The following MPP7 variants were observed in gnomAD, a reference collection of about 807,000 sequenced individuals.
MPP7 encodes MAGUK p55 subfamily member 7.
In MPP7, 60 loss-of-function variants were observed where a neutral mutation model predicts 76.5. That is an observed-to-expected ratio of 0.78 (90% CI 0.64 to 0.97). The LOEUF is 0.97. Ranked by LOEUF, MPP7 falls within the 50% of genes least tolerant of loss-of-function variation. The pLI is 0.00. For synonymous variants in MPP7, 237 were observed against 244.5 expected (o/e 0.97, Z 0.29); for missense variants, 641 against 694.0 (o/e 0.92, Z 0.86).
intron 3 of MPP7, among the ~76,000 whole-genome samples, chr10:28,167,587 A>C (rs1206258554): frequency 2.6e-5 from 4 of 152,140 alleles, no homozygotes; most frequent in Non-Finnish European, 4.4e-5. Context: ...ATATCCATGT[A>C]ACAAACCTAC....
intron 3 of MPP7, among the ~76,000 whole-genome samples, chr10:28,190,167 AG>A (rs1837367221): frequency 6.6e-6 from 1 of 152,212 alleles, no homozygotes; most frequent in Non-Finnish European, 1.5e-5. Context: ...AAGCATCAAA[AG>A]ACATAAAGCA....
intron 7 of MPP7, among the ~76,000 whole-genome samples, chr10:28,124,633 A>C (rs979077923): frequency 2.4e-4 from 35 of 146,010 alleles, no homozygotes; most frequent in African/African-American, 7.0e-4. Context: ...CCGCCACCAC[A>C]CTTGACTAAT....
At chr10:28,315,410 G>A (rs1034791206) in intron 2 of MPP7, among the ~76,000 whole-genome samples, 5 of 152,076 alleles carry the variant, frequency 3.3e-5, no homozygotes, top group African/African-American at 9.7e-5. Context: ...CCACACCTCC[G>A]TGTGGCAGTG....
At chr10:28,063,071 G>A (rs577782553) in intron 13 of MPP7, among the ~76,000 whole-genome samples, 2 of 151,882 alleles carry the variant, frequency 1.3e-5, no homozygotes, top group East Asian at 3.9e-4. Flanking sequence ...CCACAGACTG[G>A]AAGAAAATAT....
intron 8 of MPP7, among the ~76,000 whole-genome samples, chr10:28,123,450 A>G (rs55639336): frequency 0.018 from 2,730 of 149,878 alleles, 39 homozygotes; most frequent in Middle Eastern, 0.059. Context: ...GGACAGGGAC[A>G]GGTACTAAAT....
intron 2 of MPP7, among the ~76,000 whole-genome samples, chr10:28,217,239 C>G (rs995078728): frequency 6.6e-6 from 1 of 151,966 alleles, no homozygotes; most frequent in African/African-American, 2.4e-5. Context: ...GTCAGAAAAA[C>G]TGAATTAGTC....
intron 3 of MPP7, among the ~76,000 whole-genome samples, chr10:28,180,093 GT>G (rs1049766340): frequency 6.6e-6 from 1 of 152,138 alleles, no homozygotes; most frequent in African/African-American, 2.4e-5. Flanking sequence ...AAATAGGAAA[GT>G]TTTTTATCAG....
intron 1 of MPP7, among the ~76,000 whole-genome samples, chr10:28,274,038 T>C (rs1396851301): frequency 1.3e-5 from 2 of 152,014 alleles, no homozygotes; most frequent in African/African-American, 4.8e-5. Context: ...GGCAAGCAGA[T>C]TGCTTGAGTC....
chr10:28,241,482 C>T (rs1839266637), intron 1 of MPP7, among the ~76,000 whole-genome samples: 1 of 152,152 alleles, frequency 6.6e-6, no homozygotes, highest in South Asian at 2.1e-4. Flanking sequence ...AGCAAAGTTG[C>T]TAGGTTTAAC....
chr10:28,184,763 A>G (rs7901941), intron 3 of MPP7, among the ~76,000 whole-genome samples: 39,840 of 147,158 alleles, frequency 0.27, 6,509 homozygotes, highest in East Asian at 0.43. Context: ...TATATCATTA[A>G]TATATTATTT....
At chr10:28,058,206 T>C (rs1435834969) in intron 15 of MPP7, among the ~76,000 whole-genome samples, 2 of 152,240 alleles carry the variant, frequency 1.3e-5, no homozygotes, top group African/African-American at 2.4e-5. Context: ...ATACAGAATA[T>C]GTAGAAACAT....
chr10:28,232,336 A>G (rs1838912542), intron 2 of MPP7, among the ~76,000 whole-genome samples: 2 of 148,340 alleles, frequency 1.3e-5, no homozygotes, highest in Non-Finnish European at 3.0e-5. Flanking sequence ...CCTGGGTGAC[A>G]GAGTGAGATC....
chr10:28,172,112 G>A (rs182699892), intron 3 of MPP7, among the ~76,000 whole-genome samples: 10 of 152,308 alleles, frequency 6.6e-5, no homozygotes, highest in Admixed American at 3.3e-4. Context: ...ATTGGCCTAC[G>A]GAGAAGGACG....
rs914978553 is a variant in MPP7 at position 28,061,850 on chromosome 10, T to A, written c.1205-2107A>T. On this transcript the variant is annotated intron_variant, in intron 13 of 16. Coordinates refer to ENST00000683449, the MANE Select transcript of MPP7 (RefSeq NM_001318170.2). ...GATTTAAACTGTCACAGATTTATTA[T>A]AAATCATAAAAATAAGAAATCAATG... is the stretch of plus-strand genomic sequence containing the variant. Among the ~76,000 whole-genome samples, 3 of 152,064 alleles carry A rather than the reference T, an allele frequency of 2.0e-5. No individual in the cohort carries two copies. The East Asian group carries it at 5.8e-4, about 29-fold the overall frequency.
intron 1 of MPP7, among the ~76,000 whole-genome samples, chr10:28,293,478 A>G (rs1436295417): frequency 6.6e-6 from 1 of 152,248 alleles, no homozygotes; most frequent in Non-Finnish European, 1.5e-5. Flanking sequence ...TGAGATAACA[A>G]TCTGGTCGTA....
chr10:28,189,759 T>A (rs937589652), intron 3 of MPP7, among the ~76,000 whole-genome samples: 1 of 151,898 alleles, frequency 6.6e-6, no homozygotes, highest in Non-Finnish European at 1.5e-5. Context: ...ATAATTAAAA[T>A]CTTAGAAACT....
chr10:28,119,997 A>G (rs888311742), intron 10 of MPP7, among the ~76,000 whole-genome samples, 197 bp downstream of exon 10: 2 of 152,144 alleles, frequency 1.3e-5, no homozygotes, highest in African/African-American at 2.4e-5. Context: ...CAAAAATCTA[A>G]TATGACCCAG....
At chr10:28,057,601 ACCT>A (rs200738840) in intron 15 of MPP7, 42 of 302,626 alleles carry the variant, frequency 1.4e-4, no homozygotes, top group Middle Eastern at 1.7e-3. Flanking sequence ...AGCCAATTAA[ACCT>A]CTTTTTTTTT....
At chr10:28,148,904 C>A (rs1835792708) in intron 4 of MPP7, among the ~76,000 whole-genome samples, 1 of 152,042 alleles carries the variant, frequency 6.6e-6, no homozygotes, top group Non-Finnish European at 1.5e-5. Flanking sequence ...GGCTTTCGTG[C>A]CTTACTTGAG....
Sources: allele counts gnomAD v4.1 joint callset (sites outside exome capture counted in the v4.1 genomes callset), GRCh38; gene constraint gnomAD v4.1.1; transcripts MANE v1.5; gene names NCBI Gene and HGNC (gene_info 2026-07-23, HGNC 2026-07-21).